HOXA3: variants seen among roughly 807,000 people sequenced by gnomAD.
HOXA3 encodes homeobox protein Hox-A3.
In HOXA3, 8 loss-of-function variants were observed where a neutral mutation model predicts 30.3. The ratio of observed to expected loss-of-function variants is 0.26; its 90% CI spans 0.15 to 0.48. The LOEUF (loss-of-function observed/expected upper bound fraction) is 0.48, where lower values mean the gene tolerates loss of function less well. Among genes scored for constraint, HOXA3 ranks in the 20% least tolerant of loss-of-function variants. The probability of loss-of-function intolerance (pLI) is 0.99; values close to 1 mark genes in which losing one functional copy is unlikely to be tolerated. For missense variants in HOXA3, 653 were observed against 614.4 expected (o/e 1.06, Z -0.66); for synonymous variants, 323 against 273.1 (o/e 1.18, Z -1.80).
intron 1 of HOXA3, chr7:27,145,415 C>T: frequency 1.7e-6 from 1 of 605,258 alleles, no homozygotes; most frequent in Non-Finnish European, 2.8e-6. Flanking sequence ...GCAGTGCGCC[C>T]CGCTCCACCG....
chr7:27,124,951 C>G, intron 3 of HOXA3, among the ~76,000 whole-genome samples: 1 of 152,168 alleles, frequency 6.6e-6, no homozygotes, highest in South Asian at 2.1e-4. Flanking sequence ...TGACATCTGT[C>G]CCCTCCTGAG....
At chr7:27,120,526 G>A (rs1162038090) in intron 4 of HOXA3, among the ~76,000 whole-genome samples, 5 of 129,768 alleles carry the variant, frequency 3.9e-5, no homozygotes, top group African/African-American at 1.2e-4. Context: ...GGGACAGAGC[G>A]CGACTCTGTC....
At chr7:27,130,121 C>T in intron 2 of HOXA3, 7 of 1,599,846 alleles carry the variant, frequency 4.4e-6, no homozygotes, top group Non-Finnish European at 4.3e-6. Context: ...CACGTACCGG[C>T]GCTGACATGG....
chr7:27,137,135 C>T (rs527540445), intron 2 of HOXA3, among the ~76,000 whole-genome samples: 16 of 152,278 alleles, frequency 1.1e-4, no homozygotes, highest in African/African-American at 3.9e-4. Context: ...GATTTGCTTT[C>T]CACTCACTAA....
intron 1 of HOXA3, among the ~76,000 whole-genome samples, chr7:27,144,834 C>T (rs1024265739): frequency 3.9e-5 from 6 of 152,238 alleles, no homozygotes; most frequent in African/African-American, 1.4e-4. Context: ...TTGCAGGCGC[C>T]CCTGGCACGT....
intron 1 of HOXA3, chr7:27,147,255 T>G: frequency 6.7e-7 from 1 of 1,498,000 alleles, no homozygotes; most frequent in Non-Finnish European, 9.1e-7. Flanking sequence ...CTTCTTTCTT[T>G]CTTTTCCTGC....
At position 27,107,705 on chromosome 7, in the gene HOXA3, T is replaced by C. The variant is rs570012832; in HGVS notation, c.*210A>G. On this transcript the variant is annotated 3_prime_UTR_variant, in exon 6 of 6. Transcript: ENST00000612286. ...GATAAATATCGCTATGATACAGCCA[T>C]TCCAGCAACCAAGATTGCTACGTCA... 2.4e-5 allele frequency: 11 copies of C among 456,046 alleles called. No individual in the cohort carries two copies. The highest frequency in any genetic ancestry group is 2.0e-4 in the African/African-American group (10 of 50,274). The allele number at this position is 456,046 out of a possible 1,614,324, so 28.2% of individuals were successfully genotyped here. A position where few individuals can be genotyped will look rare whatever the true frequency, so the allele number is the denominator to read the frequency against.
chr7:27,115,647 G>A (rs1269640896), intron 4 of HOXA3: 1 of 152,274 alleles, frequency 6.6e-6, no homozygotes, highest in Non-Finnish European at 1.5e-5. Context: ...GGGGCGCCCT[G>A]AAAGCATACC....
intron 4 of HOXA3, among the ~76,000 whole-genome samples, chr7:27,117,073 T>C (rs1418330200): frequency 6.6e-6 from 1 of 152,166 alleles, no homozygotes; most frequent in Non-Finnish European, 1.5e-5. Context: ...CCTGCACCTT[T>C]CCAGGGAGTT....
intron 1 of HOXA3, chr7:27,143,088 G>A (rs535686511): frequency 6.4e-7 from 1 of 1,554,786 alleles, no homozygotes; most frequent in South Asian, 1.2e-5. Context: ...TAGATCTGGG[G>A]TTGGGCGGGC....
At chr7:27,114,197 A>C in intron 4 of HOXA3, among the ~76,000 whole-genome samples, 1 of 151,486 alleles carries the variant, frequency 6.6e-6, no homozygotes, top group Non-Finnish European at 1.5e-5. Flanking sequence ...CCCACCCCCC[A>C]ACGCCCTCCC....
In HOXA3 at chr7:27,127,021, G is replaced by C. The variant is rs762032626; in HGVS notation, c.-340C>G. ...CCTGAGACCACATTATTTGCAAGAA[G>C]ATCCCTCTCTCCTCCACAGACTTTT... On this transcript the variant is annotated 5_prime_UTR_variant, in exon 3 of 6. In the 5' UTR this introduces an upstream ATG that the reference lacks. Transcript: ENST00000612286. 4 of 151,406 alleles carry C rather than the reference G, an allele frequency of 2.6e-5. No individual in the cohort carries two copies. The highest frequency in any genetic ancestry group is 1.3e-4 in the Admixed American group (2 of 15,184). 9.4% of individuals were successfully genotyped at this position (151,406 alleles called of 1,614,324 possible). A position where few individuals can be genotyped will look rare whatever the true frequency, so the allele number is the denominator to read the frequency against.
chr7:27,152,554 C>G lies in HOXA3; in HGVS notation c.-760G>C. 1 of 1,182,778 alleles carries G rather than the reference C, an allele frequency of 8.5e-7. No homozygotes were observed. The highest frequency in any genetic ancestry group is 1.6e-5 in the South Asian group (1 of 62,628). 73.3% of individuals were successfully genotyped at this position (1,182,778 alleles called of 1,614,324 possible). On this transcript the variant is annotated 5_prime_UTR_variant, in exon 1 of 6. Transcript: ENST00000612286. Reference sequence around the variant, plus strand: ...CCGGCTGGAAGGCAGAGCTCCGAAGCAGGCAGGACGGAGCGGAGCAAAAGA... The same window carrying G: ...CCGGCTGGAAGGCAGAGCTCCGAAGGAGGCAGGACGGAGCGGAGCAAAAGA...
chr7:27,151,633 A>G (rs1204309421), intron 1 of HOXA3: 1 of 456,514 alleles, frequency 2.2e-6, no homozygotes, highest in Non-Finnish European at 4.4e-6. Flanking sequence ...CTCATCGAAA[A>G]ACCGGGCGAA....
intron 2 of HOXA3, among the ~76,000 whole-genome samples, chr7:27,139,720 C>T (rs1782466152): frequency 6.6e-6 from 1 of 152,224 alleles, no homozygotes; most frequent in Admixed American, 6.5e-5. Flanking sequence ...CCCCGGCCGG[C>T]CCAGCAATTG....
intron 1 of HOXA3, 52 bp downstream of exon 1, chr7:27,152,236 G>T: frequency 1.7e-6 from 2 of 1,190,882 alleles, no homozygotes; most frequent in South Asian, 1.3e-5. Flanking sequence ...CGCTACCGCC[G>T]CCGGCTGTCG....
At chr7:27,131,142 C>T (rs915128109) in intron 2 of HOXA3, among the ~76,000 whole-genome samples, 27 of 152,342 alleles carry the variant, frequency 1.8e-4, no homozygotes, top group African/African-American at 6.3e-4. Flanking sequence ...CTCTCGGGAG[C>T]CCTCTGCCTG....
chr7:27,143,110 C>T (rs370767951), intron 1 of HOXA3: 2 of 1,579,074 alleles, frequency 1.3e-6, no homozygotes, highest in South Asian at 2.4e-5. Context: ...GCGCCGGGCT[C>T]GGCTCGCTCT....
At chr7:27,145,775 G>C (rs1008095015) in intron 1 of HOXA3, 4 of 1,614,100 alleles carry the variant, frequency 2.5e-6, no homozygotes, top group Non-Finnish European at 3.4e-6. Flanking sequence ...TCTGGCGCTC[G>C]GTGAGGCAGA....
Sources: gnomAD v4.1 joint callset for allele counts (sites outside exome capture counted in the v4.1 genomes callset) on GRCh38, gnomAD v4.1.1 for gene constraint, MANE v1.5 for transcripts, NCBI Gene and HGNC (gene_info 2026-07-23, HGNC 2026-07-21) for gene names.